GNAL: variants seen among roughly 807,000 people sequenced by gnomAD.
GNAL encodes guanine nucleotide-binding protein G(olf) subunit alpha.
In GNAL, 18 loss-of-function variants were observed where a neutral mutation model predicts 55.1. The ratio of observed to expected loss-of-function variants is 0.33; its 90% CI spans 0.23 to 0.48. GNAL has a LOEUF of 0.48. Among genes scored for constraint, GNAL ranks in the 20% least tolerant of loss-of-function variants. The pLI, the probability that GNAL is intolerant of heterozygous loss-of-function variation, is 0.99. For missense variants in GNAL, 412 were observed against 614.1 expected (o/e 0.67, Z 3.48); for synonymous variants, 253 against 237.0 (o/e 1.07, Z -0.62).
chr18:11,767,824 C>CT (rs1376640542), intron 4 of GNAL, among the ~76,000 whole-genome samples: 2 of 152,096 alleles, frequency 1.3e-5, no homozygotes, highest in African/African-American at 4.8e-5. Flanking sequence ...GCCTTGCCTG[C>CT]TTTTTTTTCT....
In GNAL at chr18:11,881,141, C is replaced by A; in HGVS notation, c.*6C>A. 6.2e-7 allele frequency: 1 copy of A among 1,601,290 alleles called. No individual in the cohort carries two copies. Among genetic ancestry groups the A allele is most frequent in the Non-Finnish European group, 8.5e-7 (1 of 1,172,256 alleles). On this transcript the variant is annotated 3_prime_UTR_variant, in exon 12 of 12. Transcript: ENST00000334049. The surrounding 1 kb of genome is among the most constrained non-coding windows in gnomAD (Gnocchi z 4.8). ...AGCAGTATGAGCTCTTGTGAGGATG[C>A]TGCCGCCACCCTGCGACGGAGCGGC...
chr18:11,728,476 A>G (rs1454484455), intron 1 of GNAL, among the ~76,000 whole-genome samples: 1 of 152,094 alleles, frequency 6.6e-6, no homozygotes, highest in Non-Finnish European at 1.5e-5. Flanking sequence ...TGCTTCCAGG[A>G]GCTCCACCTT....
chr18:11,845,517 C>G (rs1567888911), intron 5 of GNAL, among the ~76,000 whole-genome samples: 1 of 152,044 alleles, frequency 6.6e-6, no homozygotes. Flanking sequence ...TCGTGTGTTT[C>G]ATAGACCTAA....
intron 3 of GNAL, 30 bp downstream of exon 3, chr18:11,753,712 A>G (rs771680652): frequency 1.3e-6 from 2 of 1,500,192 alleles, no homozygotes; most frequent in East Asian, 2.3e-5. Context: ...ATTGTTTACT[A>G]GAAAGGTCAA....
At chr18:11,858,910 G>A (rs368087303) in intron 5 of GNAL, among the ~76,000 whole-genome samples, 4 of 152,280 alleles carry the variant, frequency 2.6e-5, no homozygotes, top group East Asian at 3.9e-4. Flanking sequence ...ATCACTGTCA[G>A]CATCTCAAAG....
chr18:11,822,808 CTTTTTTTTTTTCTTTTTTTTT>C (rs2035136310), intron 4 of GNAL, among the ~76,000 whole-genome samples: 1 of 139,906 alleles, frequency 7.1e-6, no homozygotes, highest in Non-Finnish European at 1.5e-5. Flanking sequence ...TATTGTTTTT[CTTTTTTTTTTTCTTTTTTTTT>C]TTTTTTTTTT....
At chr18:11,788,914 A>AAAAAAAAAAAAATATATATAT (rs60071996) in intron 4 of GNAL, among the ~76,000 whole-genome samples, 1 of 56,302 alleles carries the variant, frequency 1.8e-5, no homozygotes, top group Non-Finnish European at 2.9e-5. Flanking sequence ...AAAAAAAAAA[A>AAAAAAAAAAAAATATATATAT]ATATATATAT....
chr18:11,746,233 TAAC>T (rs2032685127), intron 1 of GNAL: 1 of 499,148 alleles, frequency 2.0e-6, no homozygotes, highest in African/African-American at 2.0e-5. Context: ...ATGCCTTCTG[TAAC>T]AATGTGGAGA....
At chr18:11,793,554 C>G (rs1483650884) in intron 4 of GNAL, among the ~76,000 whole-genome samples, 1 of 151,734 alleles carries the variant, frequency 6.6e-6, no homozygotes, top group Non-Finnish European at 1.5e-5. Context: ...CACATTGCAG[C>G]CTGAACAATA....
chr18:11,786,213 T>G (rs890015980), intron 4 of GNAL, among the ~76,000 whole-genome samples: 2 of 152,102 alleles, frequency 1.3e-5, no homozygotes, highest in African/African-American at 4.8e-5. Flanking sequence ...TAGGGTTATA[T>G]CCTCACAGGG....
chr18:11,780,333 C>T (rs752778274), intron 4 of GNAL, among the ~76,000 whole-genome samples: 9 of 150,994 alleles, frequency 6.0e-5, no homozygotes, highest in South Asian at 2.1e-4. Flanking sequence ...AGACCTTTTT[C>T]GGAGCAAATA....
chr18:11,884,271 T>G lies in GNAL; in HGVS notation c.*3136T>G, dbSNP rs996488366. On this transcript the variant is annotated 3_prime_UTR_variant, in exon 12 of 12. Coordinates refer to ENST00000334049, the MANE Select transcript of GNAL (RefSeq NM_182978.4). ...AGAGTACCTGTCCACTTTTATAGCA[T>G]GAGAACAGTACAATCAACTATTTAT... The G allele has an allele frequency of 3.2e-6, 2 of 632,916 alleles. No homozygotes were observed. Among genetic ancestry groups the G allele is most frequent in the Non-Finnish European group, 5.5e-6 (2 of 363,806 alleles). The allele number at this position is 632,916 out of a possible 1,614,324, so 39.2% of individuals were successfully genotyped here. A position where few individuals can be genotyped will look rare whatever the true frequency, so the allele number is the denominator to read the frequency against.
At chr18:11,846,484 C>CACACAT (rs2035743347) in intron 5 of GNAL, among the ~76,000 whole-genome samples, 1 of 149,450 alleles carries the variant, frequency 6.7e-6, no homozygotes, top group Non-Finnish European at 1.5e-5. Flanking sequence ...CACACACACA[C>CACACAT]ACACACACAG....
intron 1 of GNAL, among the ~76,000 whole-genome samples, chr18:11,731,087 A>C (rs937548791): frequency 2.0e-5 from 3 of 152,192 alleles, no homozygotes; most frequent in Non-Finnish European, 4.4e-5. Context: ...AAACTCCAAA[A>C]AGAATGGGGT....
At position 11,718,058 on chromosome 18, in the gene GNAL, A is replaced by AT. The variant is rs2032015321; in HGVS notation, c.376+28119_376+28120insT. On this transcript the variant is annotated intron_variant, in intron 1 of 11. Transcript: ENST00000334049. ...ACAGTGTTAGAAGATAATCTAATTT[A>AT]CTACTAAGAAATACAATCAATTATT... 4.6e-5 allele frequency among the ~76,000 whole-genome samples: 7 copies of AT among 152,330 alleles called. 1 individual carries two copies. The South Asian group carries it at 1.4e-3, about 32-fold the overall frequency.
intron 5 of GNAL, among the ~76,000 whole-genome samples, chr18:11,842,736 G>A (rs1012091967): frequency 3.9e-5 from 6 of 152,140 alleles, no homozygotes; most frequent in East Asian, 1.9e-4. Context: ...TACAGATGAC[G>A]TTTTGCTTGC....
At chr18:11,747,926 C>T (rs2032727709) in intron 1 of GNAL, among the ~76,000 whole-genome samples, 2 of 152,064 alleles carry the variant, frequency 1.3e-5, no homozygotes, top group Non-Finnish European at 2.9e-5. Context: ...TGCCGGGGAG[C>T]GCAATGCTGC....
intron 4 of GNAL, among the ~76,000 whole-genome samples, chr18:11,764,260 A>G (rs1039987576): frequency 2.0e-5 from 3 of 152,014 alleles, no homozygotes; most frequent in Non-Finnish European, 4.4e-5. Flanking sequence ...ACCTGCCACC[A>G]TGCCCAGCTA....
chr18:11,874,843 C>A (rs2036493067), intron 10 of GNAL, among the ~76,000 whole-genome samples: 1 of 150,822 alleles, frequency 6.6e-6, no homozygotes, highest in Non-Finnish European at 1.5e-5. Flanking sequence ...ACCCACCCCC[C>A]ACAGCAGGTG....
Sources: allele counts gnomAD v4.1 joint callset (sites outside exome capture counted in the v4.1 genomes callset), GRCh38; gene constraint gnomAD v4.1.1; non-coding constraint Gnocchi (gnomAD v3.1); transcripts MANE v1.5; gene names NCBI Gene and HGNC (gene_info 2026-07-23, HGNC 2026-07-21).